The following IL1RAPL2 variants were observed in gnomAD, a reference collection of about 807,000 sequenced individuals.
The protein encoded by IL1RAPL2 is interleukin 1 receptor accessory protein like 2.
In IL1RAPL2, 3 loss-of-function variants were observed where a neutral mutation model predicts 44.1. The ratio of observed to expected loss-of-function variants is 0.07; its 90% CI spans 0.03 to 0.18. The LOEUF (loss-of-function observed/expected upper bound fraction) is 0.18, where lower values mean the gene tolerates loss of function less well. Ranked by LOEUF, IL1RAPL2 falls within the 10% of genes least tolerant of loss-of-function variation. The pLI, the probability that IL1RAPL2 is intolerant of heterozygous loss-of-function variation, is 1.00. For synonymous variants in IL1RAPL2, 181 were observed against 178.8 expected, an observed-to-expected ratio of 1.01 and a Z score of -0.10; for missense variants, 391 against 496.4, an observed-to-expected ratio of 0.79 and a Z score of 2.02.
intron 6 of IL1RAPL2, among the ~76,000 whole-genome samples, chrX:105,619,717 G>T (rs1319810587): frequency 1.8e-5 from 2 of 111,041 alleles, no homozygotes; most frequent in African/African-American, 6.5e-5. Context: ...TTGAGACAGA[G>T]AAAAATAGGT....
Position 104,896,275 on chromosome X carries a change from G to C in IL1RAPL2, c.82+237280G>C, listed in dbSNP as rs988091767. Reference sequence around the variant, plus strand: ...CTAGAATTGAGGCCGTCAAGCTACAGATGGTCTTACAAATGGGACCCCAAA... The same window carrying C: ...CTAGAATTGAGGCCGTCAAGCTACACATGGTCTTACAAATGGGACCCCAAA... On this transcript the variant is annotated intron_variant, in intron 2 of 10. Coordinates refer to ENST00000372582, the MANE Select transcript of IL1RAPL2 (RefSeq NM_017416.2). Among the ~76,000 whole-genome samples the C allele has an allele frequency of 2.7e-5, 3 of 111,827 alleles. No individual in the cohort carries two copies. The Admixed American group carries it at 2.8e-4, about 11-fold the overall frequency.
At chrX:104,950,148 TG>T (rs1925530373) in intron 2 of IL1RAPL2, among the ~76,000 whole-genome samples, 1 of 112,096 alleles carries the variant, frequency 8.9e-6, no homozygotes, top group South Asian at 3.8e-4. Context: ...CTCTTCTTGT[TG>T]AATTGATCCC....
intron 6 of IL1RAPL2, among the ~76,000 whole-genome samples, chrX:105,661,369 A>G (rs1484293077): frequency 4.5e-5 from 5 of 111,953 alleles, no homozygotes; most frequent in Non-Finnish European, 7.5e-5. Flanking sequence ...CAGGCCTTCC[A>G]GAGAGAAAAT....
intron 5 of IL1RAPL2, among the ~76,000 whole-genome samples, chrX:105,364,188 G>A (rs768862560): frequency 1.2e-3 from 134 of 111,269 alleles, no homozygotes; most frequent in African/African-American, 4.0e-3. Flanking sequence ...ATTCTTCCCC[G>A]TTGTATGTTC....
chrX:105,646,649 T>C (rs2037608080), intron 6 of IL1RAPL2, among the ~76,000 whole-genome samples: 1 of 112,011 alleles, frequency 8.9e-6, no homozygotes, highest in South Asian at 3.8e-4. Context: ...ACAACGTGGA[T>C]AAGTGTACTT....
chrX:104,901,199 C>CTTTTTTTTTTTTTTTTTT (rs1194148816), intron 2 of IL1RAPL2, among the ~76,000 whole-genome samples: 1 of 32,115 alleles, frequency 3.1e-5, no homozygotes, highest in Admixed American at 6.1e-4. Flanking sequence ...TCTTTTGCTT[C>CTTTTTTTTTTTTTTTTTT]TTTTTTTTTT....
intron 2 of IL1RAPL2, among the ~76,000 whole-genome samples, chrX:105,046,941 C>T (rs1386147699): frequency 9.2e-6 from 1 of 108,144 alleles, no homozygotes; most frequent in African/African-American, 3.4e-5. Context: ...CAGATAGAAC[C>T]TTTCACATGA....
At chrX:105,463,586 AC>A in intron 5 of IL1RAPL2, among the ~76,000 whole-genome samples, 1 of 110,012 alleles carries the variant, frequency 9.1e-6, no homozygotes, top group Non-Finnish European at 1.9e-5. Context: ...ACACACACAC[AC>A]ACACACACAC....
intron 6 of IL1RAPL2, among the ~76,000 whole-genome samples, chrX:105,649,392 C>T (rs2037627577): frequency 8.9e-6 from 1 of 111,757 alleles, no homozygotes; most frequent in Non-Finnish European, 1.9e-5. Flanking sequence ...GTAAAGATTA[C>T]ATGATGTTCG....
At chrX:105,501,986 A>G (rs1273402885) in intron 6 of IL1RAPL2, among the ~76,000 whole-genome samples, 3 of 112,281 alleles carry the variant, frequency 2.7e-5, no homozygotes, top group Non-Finnish European at 3.8e-5. Context: ...GTTGCATAAT[A>G]TAGAGGAACA....
chrX:105,252,014 C>A (rs1675253399), intron 4 of IL1RAPL2, among the ~76,000 whole-genome samples: 2 of 110,848 alleles, frequency 1.8e-5, no homozygotes, highest in Non-Finnish European at 3.8e-5. Flanking sequence ...TGTGTTTTGA[C>A]AAATGTATAC....
intron 1 of IL1RAPL2, among the ~76,000 whole-genome samples, chrX:104,578,746 AATG>A (rs1928287931): frequency 9.0e-6 from 1 of 111,685 alleles, no homozygotes; most frequent in African/African-American, 3.3e-5. Flanking sequence ...ATGAGTTTTT[AATG>A]ATCTGTTGGA....
At chrX:105,332,354 A>G (rs2034993448) in intron 5 of IL1RAPL2, among the ~76,000 whole-genome samples, 1 of 109,502 alleles carries the variant, frequency 9.1e-6, no homozygotes, top group Non-Finnish European at 1.9e-5. Context: ...CTTCCTGTCT[A>G]CTTGTCACTT....
intron 2 of IL1RAPL2, among the ~76,000 whole-genome samples, chrX:105,143,801 G>A (rs1343716378): frequency 1.8e-5 from 2 of 110,108 alleles, no homozygotes; most frequent in Non-Finnish European, 3.8e-5. Context: ...AGAACATATG[G>A]ACACAGGAAG....
intron 2 of IL1RAPL2, among the ~76,000 whole-genome samples, chrX:104,963,204 G>T (rs1348160607): frequency 9.0e-6 from 1 of 111,655 alleles, no homozygotes; most frequent in Admixed American, 9.5e-5. Flanking sequence ...CCAGGTTTTA[G>T]TAGGGATAGA....
At chrX:104,803,332 C>T (rs1482269333) in intron 2 of IL1RAPL2, among the ~76,000 whole-genome samples, 1 of 111,964 alleles carries the variant, frequency 8.9e-6, no homozygotes, top group Admixed American at 9.5e-5. Flanking sequence ...CATGTCTGTG[C>T]TCAGTTTGGC....
chrX:104,905,757 T>C (rs1351423678), intron 2 of IL1RAPL2, among the ~76,000 whole-genome samples: 1 of 111,457 alleles, frequency 9.0e-6, no homozygotes, highest in Non-Finnish European at 1.9e-5. Flanking sequence ...AGCTTTGTTC[T>C]TTTGGCTTAG....
At chrX:105,328,336 G>T (rs1466474668) in intron 5 of IL1RAPL2, among the ~76,000 whole-genome samples, 2 of 111,400 alleles carry the variant, frequency 1.8e-5, no homozygotes, top group Non-Finnish European at 3.8e-5. Flanking sequence ...GTAAAATTAT[G>T]CTTTGCTTTG....
intron 2 of IL1RAPL2, among the ~76,000 whole-genome samples, chrX:105,014,119 GTT>G (rs1215408304): frequency 9.0e-6 from 1 of 110,986 alleles, no homozygotes; most frequent in Non-Finnish European, 1.9e-5. Flanking sequence ...ATTTCTTAAG[GTT>G]TTTTTTAGCC....
Sources: allele counts gnomAD v4.1 joint callset (sites outside exome capture counted in the v4.1 genomes callset), GRCh38; gene constraint gnomAD v4.1.1; transcripts MANE v1.5; gene names NCBI Gene and HGNC (gene_info 2026-07-23, HGNC 2026-07-21).